Variants in PGM5 observed in about 807,000 individuals in gnomAD.
PGM5 encodes phosphoglucomutase 5.
A neutral mutation model predicts 59.2 loss-of-function variants in PGM5; 23 were observed. The ratio of observed to expected loss-of-function variants is 0.39; its 90% CI spans 0.28 to 0.55. The LOEUF (loss-of-function observed/expected upper bound fraction) is 0.55, where lower values mean the gene tolerates loss of function less well. Ranked by LOEUF, PGM5 falls within the 20% of genes least tolerant of loss-of-function variation. The probability of loss-of-function intolerance (pLI) is 0.66; values close to 1 mark genes in which losing one functional copy is unlikely to be tolerated. For missense variants in PGM5, 574 were observed against 748.3 expected (o/e 0.77, Z 2.72); for synonymous variants, 214 against 286.0 (o/e 0.75, Z 2.54).
At chr9:68,415,067 C>A (rs1469963789) in intron 6 of PGM5, among the ~76,000 whole-genome samples, 1 of 149,200 alleles carries the variant, frequency 6.7e-6, no homozygotes, top group Non-Finnish European at 1.5e-5. Flanking sequence ...GTGCTGGGAC[C>A]TCATTCATTC....
intron 1 of PGM5, among the ~76,000 whole-genome samples, chr9:68,376,477 G>GTA (rs1330885022): frequency 2.6e-5 from 1 of 38,476 alleles, no homozygotes; most frequent in African/African-American, 8.5e-5. Context: ...CTTTTGAGCT[G>GTA]TGTGTGTGTG....
At chr9:68,385,659 G>A (rs567466308) in intron 3 of PGM5, among the ~76,000 whole-genome samples, 4 of 152,100 alleles carry the variant, frequency 2.6e-5, no homozygotes, top group Admixed American at 2.6e-4. Context: ...TTAAAGGCAA[G>A]GGGTACATTA....
At chr9:68,374,774 C>G (rs1445009924) in intron 1 of PGM5, among the ~76,000 whole-genome samples, 1 of 152,126 alleles carries the variant, frequency 6.6e-6, no homozygotes, top group East Asian at 1.9e-4. Context: ...GTATACTTAC[C>G]ATATGCCAGA....
chr9:68,528,359 C>G (rs923423422), intron 10 of PGM5, among the ~76,000 whole-genome samples: 2 of 152,220 alleles, frequency 1.3e-5, no homozygotes, highest in African/African-American at 4.8e-5. Context: ...ATCCTCCCAT[C>G]TCAGCCTACC....
At chr9:68,423,468 A>C (rs1554682486) in intron 6 of PGM5, among the ~76,000 whole-genome samples, 44 of 152,208 alleles carry the variant, frequency 2.9e-4, no homozygotes, top group Non-Finnish European at 4.4e-5. Context: ...AATTTGAAAG[A>C]GTAAATGGTG....
At chr9:68,388,736 A>C (rs1554679142) in intron 4 of PGM5, among the ~76,000 whole-genome samples, 1 of 152,150 alleles carries the variant, frequency 6.6e-6, no homozygotes, top group Non-Finnish European at 1.5e-5. Flanking sequence ...GTTTGAGGGC[A>C]TTGCTCTACT....
intron 6 of PGM5, chr9:68,395,861 T>C (rs1159020962): frequency 6.6e-6 from 1 of 151,986 alleles, no homozygotes; most frequent in Non-Finnish European, 1.5e-5. Context: ...AAGTCCACGA[T>C]GGTGAACTAA....
intron 9 of PGM5, among the ~76,000 whole-genome samples, chr9:68,491,339 G>A (rs1824385593): frequency 6.6e-6 from 1 of 152,210 alleles, no homozygotes; most frequent in African/African-American, 2.4e-5. Context: ...TCTGAAGAAT[G>A]GGTAGAAGGC....
intron 7 of PGM5, among the ~76,000 whole-genome samples, chr9:68,478,085 TACC>T (rs1554686818): frequency 6.6e-6 from 1 of 152,242 alleles, no homozygotes; most frequent in East Asian, 1.9e-4. Context: ...TTCCCCAGGA[TACC>T]ACATGTCTCG....
At chr9:68,463,128 T>C (rs1208490703) in intron 6 of PGM5, among the ~76,000 whole-genome samples, 2 of 151,948 alleles carry the variant, frequency 1.3e-5, no homozygotes, top group Admixed American at 6.6e-5. Context: ...TTCATTGTAT[T>C]TGGGGTTTGT....
chr9:68,529,281 C>T (rs1232380273), intron 10 of PGM5, among the ~76,000 whole-genome samples: 2 of 150,762 alleles, frequency 1.3e-5, no homozygotes, highest in East Asian at 4.0e-4. Context: ...ATGCTGTCTT[C>T]ATACAGTGCT....
At position 68,483,919 on chromosome 9, in the gene PGM5, G is replaced by A; in HGVS notation, c.1350G>A (p.Leu450=). The A allele has an allele frequency of 6.2e-7, 1 of 1,614,136 alleles. No homozygotes were observed. Among genetic ancestry groups the A allele is most frequent in the African/African-American group, 1.3e-5 (1 of 75,058 alleles). ...CGACATATTATATCATGAGGGACCT[G>A]GAGGCCCTGGTCACAGACAAATCCT... ...PKTTYYIMRD[L]EALVTDKSFI... Residue 450 remains leucine, a synonymous_variant, in exon 9 of 11, where the codon CTG becomes CTA. Coordinates refer to ENST00000396396, the MANE Select transcript of PGM5 (RefSeq NM_021965.4).
At chr9:68,495,938 T>C (rs889769592) in intron 9 of PGM5, among the ~76,000 whole-genome samples, 1 of 152,214 alleles carries the variant, frequency 6.6e-6, no homozygotes, top group African/African-American at 2.4e-5. Context: ...ATTTTATACC[T>C]TGGGGGCTAG....
intron 10 of PGM5, among the ~76,000 whole-genome samples, chr9:68,514,936 A>T (rs1237310078): frequency 6.6e-6 from 1 of 152,222 alleles, no homozygotes; most frequent in African/African-American, 2.4e-5. Context: ...TTGCATCTCC[A>T]TAGAAACCCT....
intron 6 of PGM5, among the ~76,000 whole-genome samples, chr9:68,439,073 C>T (rs992487260): frequency 2.6e-5 from 4 of 151,984 alleles, no homozygotes; most frequent in East Asian, 1.9e-4. Flanking sequence ...TCTTTCAAAA[C>T]GTGGGTAGAC....
chr9:68,490,999 A>AT (rs1824380796), intron 9 of PGM5, among the ~76,000 whole-genome samples: 1 of 152,226 alleles, frequency 6.6e-6, no homozygotes, highest in African/African-American at 2.4e-5. Context: ...TGCAATAAAC[A>AT]TATATTCCTT....
At chr9:68,460,231 A>G (rs1473356608) in intron 6 of PGM5, among the ~76,000 whole-genome samples, 1 of 152,196 alleles carries the variant, frequency 6.6e-6, no homozygotes, top group Non-Finnish European at 1.5e-5. Context: ...ATATTCTGGT[A>G]GACTCTTATC....
chr9:68,415,987 A>T (rs553462501), intron 6 of PGM5, among the ~76,000 whole-genome samples: 27 of 151,766 alleles, frequency 1.8e-4, no homozygotes, highest in South Asian at 8.4e-4. Context: ...GTATTGTTGA[A>T]ATTTAAAAGG....
chr9:68,430,126 T>G (rs1042041683), intron 6 of PGM5, among the ~76,000 whole-genome samples: 1 of 152,222 alleles, frequency 6.6e-6, no homozygotes, highest in Non-Finnish European at 1.5e-5. Flanking sequence ...TAAACATAAT[T>G]GAAATAGCTT....
Sources: allele counts gnomAD v4.1 joint callset (sites outside exome capture counted in the v4.1 genomes callset), GRCh38; gene constraint gnomAD v4.1.1; transcripts MANE v1.5; gene names NCBI Gene and HGNC (gene_info 2026-07-23, HGNC 2026-07-21).